Variants in VPS8 observed in about 807,000 individuals in gnomAD.
VPS8 encodes the protein vacuolar protein sorting-associated protein 8 homolog.
A neutral mutation model predicts 216.4 loss-of-function variants in VPS8; 129 were observed. The observed-to-expected ratio is 0.60, with a 90% CI of 0.52 to 0.69. VPS8 has a LOEUF of 0.69. VPS8 is among the 30% of genes least tolerant of loss of function. The pLI is 0.00. For synonymous variants in VPS8, 571 were observed against 565.4 expected (o/e 1.01, Z -0.14); for missense variants, 1,531 against 1,683.5 (o/e 0.91, Z 1.59).
intron 25 of VPS8, among the ~76,000 whole-genome samples, chr3:184,903,018 A>G (rs189727609): frequency 6.6e-6 from 1 of 152,260 alleles, no homozygotes; most frequent in African/African-American, 2.4e-5. Flanking sequence ...TTATTCCCAT[A>G]AGTCTTACCA....
At chr3:184,875,630 C>T (rs1427049310) in intron 21 of VPS8, among the ~76,000 whole-genome samples, 7 of 151,960 alleles carry the variant, frequency 4.6e-5, no homozygotes, top group Admixed American at 1.3e-4. Context: ...GTTTGCCTCA[C>T]GCCGTCTCTA....
intron 24 of VPS8, 56 bp downstream of exon 24, chr3:184,898,710 C>T: frequency 3.8e-6 from 5 of 1,328,326 alleles, no homozygotes; most frequent in Non-Finnish European, 5.1e-6. Flanking sequence ...ACTTTTTTCT[C>T]CTATTCTCCA....
At chr3:184,815,667 G>A (rs189786659) in intron 1 of VPS8, 1 of 152,180 alleles carries the variant, frequency 6.6e-6, no homozygotes, top group East Asian at 1.9e-4. Context: ...GGCAGATAGG[G>A]TACTTGATTG....
intron 42 of VPS8, among the ~76,000 whole-genome samples, chr3:184,992,033 C>T (rs1417256892): frequency 1.3e-5 from 2 of 152,152 alleles, no homozygotes; most frequent in East Asian, 3.9e-4. Context: ...TTCAGCATAA[C>T]CCTAGCAGTT....
intron 40 of VPS8, among the ~76,000 whole-genome samples, chr3:184,973,645 T>C (rs1456566155): frequency 1.3e-5 from 2 of 152,180 alleles, no homozygotes; most frequent in African/African-American, 2.4e-5. Flanking sequence ...TTAGAACTTA[T>C]TAAAATTCTA....
At chr3:185,027,774 AG>A (rs1427153002) in intron 46 of VPS8, among the ~76,000 whole-genome samples, 2 of 152,208 alleles carry the variant, frequency 1.3e-5, no homozygotes, top group African/African-American at 4.8e-5. Context: ...TTACAGAAGC[AG>A]GGTTTTGTTA....
intron 44 of VPS8, among the ~76,000 whole-genome samples, chr3:184,999,212 C>G (rs890646646): frequency 1.3e-5 from 2 of 152,166 alleles, no homozygotes; most frequent in African/African-American, 4.8e-5. Flanking sequence ...TACCTGCCAC[C>G]ACGTCCAGCT....
intron 21 of VPS8, among the ~76,000 whole-genome samples, chr3:184,883,421 C>G (rs1407762407): frequency 6.6e-6 from 1 of 152,164 alleles, no homozygotes; most frequent in African/African-American, 2.4e-5. Context: ...TACTTAACTT[C>G]TTCCTTCTAA....
At chr3:184,876,787 G>A (rs1480446312) in intron 21 of VPS8, among the ~76,000 whole-genome samples, 1 of 152,070 alleles carries the variant, frequency 6.6e-6, no homozygotes, top group East Asian at 1.9e-4. Context: ...CCTAGTCTAA[G>A]TGCCCATCAT....
rs1746061316 is a variant in VPS8, at chr3:184,958,991, C to T, written c.3183+1470C>T. On this transcript the variant is annotated intron_variant, in intron 37 of 47. Transcript: ENST00000625842. ...CATTTAGGCTTTTTAAAAATCTCCTCTGCTGAAACTTACAAGAAATCTCAG... is the reference window on the plus strand; with the variant it reads ...CATTTAGGCTTTTTAAAAATCTCCTTTGCTGAAACTTACAAGAAATCTCAG... 3.9e-5 allele frequency among the ~76,000 whole-genome samples: 6 copies of T among 152,308 alleles called. No individual in the cohort carries two copies. The South Asian group carries it at 1.2e-3, about 32-fold the overall frequency.
chr3:184,870,790 G>A lies in VPS8; in HGVS notation c.1719G>A (p.Met573Ile), dbSNP rs1293721547. ...KCPDQGKIQV[M>I]EQHFQDMVPV... is the part of the protein sequence containing the mutation. ...CAGACCAAGGAAAAATCCAAGTGAT[G>A]GAGCAGCATTTTCAGGTACACATTG... The change falls in exon 21 of 48, where the codon ATG becomes ATA. Residue 573 changes from methionine (M) to isoleucine (I), a missense_variant. Around this residue, in one of 3 missense-constraint regions of VPS8, gnomAD observed 1,318 missense variants for 1,468.4 expected, o/e 0.90. Coordinates refer to ENST00000625842, the MANE Select transcript of VPS8 (RefSeq NM_001009921.3). 2 of 1,611,416 alleles carry A rather than the reference G, an allele frequency of 1.2e-6. No individual in the cohort carries two copies. The highest frequency in any genetic ancestry group is 3.3e-5 in the Admixed American group (2 of 59,744).
rs1697040776 is a variant in VPS8, at chr3:185,052,294, T to C, written c.*269T>C. On this transcript the variant is annotated 3_prime_UTR_variant, in exon 48 of 48. Transcript: ENST00000625842. ...GGAATGTCACATACCTCTGTCCAGC[T>C]TTTTAGGAAATACATTTCGCCTATT... The C allele has an allele frequency of 5.9e-6, 2 of 337,338 alleles. No homozygotes were observed. Among genetic ancestry groups the C allele is most frequent in the South Asian group, 1.5e-4 (2 of 13,602 alleles). The allele number at this position is 337,338 out of a possible 1,614,324, so 20.9% of individuals were successfully genotyped here. A position where few individuals can be genotyped will look rare whatever the true frequency, so the allele number is the denominator to read the frequency against.
Position 185,011,924 on chromosome 3 carries a change from C to A in VPS8, c.4002+12063C>A, listed in dbSNP as rs1024869679. Among the ~76,000 whole-genome samples, 15 of 152,076 alleles carry A rather than the reference C, an allele frequency of 9.9e-5. 1 individual carries two copies. The highest frequency in any genetic ancestry group is 3.6e-4 in the African/African-American group (15 of 41,410). On this transcript the variant is annotated intron_variant, in intron 45 of 47. Transcript: ENST00000625842. ...TAAAGTATTTCGTGGAAAAGATTAA[C>A]AGAATGATTGAACACATGGGGAAAC...
At chr3:185,015,048 T>G (rs1024118645) in intron 45 of VPS8, among the ~76,000 whole-genome samples, 3 of 152,236 alleles carry the variant, frequency 2.0e-5, no homozygotes, top group Admixed American at 1.3e-4. Flanking sequence ...AGAATTAGGT[T>G]CCAGTCCTCG....
intron 46 of VPS8, among the ~76,000 whole-genome samples, chr3:185,029,545 C>G (rs1194840909): frequency 6.6e-6 from 1 of 151,996 alleles, no homozygotes; most frequent in African/African-American, 2.4e-5. Flanking sequence ...TCAGAGTGTG[C>G]ATCACATTCC....
At position 184,851,772 on chromosome 3, in the gene VPS8, G is replaced by A. The variant is rs6763849; in HGVS notation, c.754-728G>A. On this transcript the variant is annotated intron_variant, in intron 10 of 47. Coordinates refer to ENST00000625842, the MANE Select transcript of VPS8 (RefSeq NM_001009921.3). The stretch of plus-strand genomic sequence containing the variant: ...ATCCCTGACTGGGAACCTGAGGCGT[G>A]CTATTTAGGATGGTTCACTAACCTT... 4.4e-3 allele frequency among the ~76,000 whole-genome samples: 676 copies of A among 152,278 alleles called. 7 individuals carry two copies. Among genetic ancestry groups the A allele is most frequent in the African/African-American group, 0.015 (634 of 41,548 alleles).
intron 21 of VPS8, among the ~76,000 whole-genome samples, chr3:184,883,912 A>C (rs946483809): frequency 6.6e-6 from 1 of 152,292 alleles, no homozygotes; most frequent in East Asian, 1.9e-4. Flanking sequence ...TCCTCCAGAC[A>C]TTCTTGTATG....
intron 36 of VPS8, among the ~76,000 whole-genome samples, chr3:184,954,655 G>A (rs1367769469): frequency 2.0e-5 from 3 of 152,148 alleles, no homozygotes; most frequent in Non-Finnish European, 2.9e-5. Context: ...AGGACTTTCC[G>A]ATAGGATTTA....
Position 184,872,255 on chromosome 3 carries a change from G to T in VPS8, c.1734+1450G>T, listed in dbSNP as rs190972510. 8.5e-5 allele frequency among the ~76,000 whole-genome samples: 13 copies of T among 152,094 alleles called. No homozygotes were observed. In the East Asian group the frequency reaches 2.5e-3, roughly 29 times the overall value. The stretch of plus-strand genomic sequence containing the variant: ...TGAAAAAAATCATCTAGTAGAAAAA[G>T]CTAGGAGGGGTGAATGGAATGAGTG... On this transcript the variant is annotated intron_variant, in intron 21 of 47. Transcript: ENST00000625842.
Sources: allele counts gnomAD v4.1 joint callset (sites outside exome capture counted in the v4.1 genomes callset), GRCh38; gene constraint gnomAD v4.1.1; regional missense constraint gnomAD v4.1.1; transcripts MANE v1.5; gene names NCBI Gene and HGNC (gene_info 2026-07-23, HGNC 2026-07-21).